Variants in POU3F3 observed in about 807,000 individuals in gnomAD.
POU3F3 encodes POU domain, class 3, transcription factor 3.
Under a neutral mutation model 8.6 loss-of-function variants are expected in POU3F3, and 1 was observed. The ratio of observed to expected loss-of-function variants is 0.12; its 90% confidence interval spans 0.04 to 0.55. The LOEUF is 0.55. Among genes scored for constraint, POU3F3 ranks in the 20% least tolerant of loss-of-function variants. The pLI is 0.91. For synonymous variants in POU3F3, 418 were observed against 327.4 expected, an observed-to-expected ratio of 1.28 and a Z score of -2.99; for missense variants, 577 against 690.7, an observed-to-expected ratio of 0.84 and a Z score of 1.84.
At chr2:104,894,536 C>T in the POU3F3 span, among the ~76,000 whole-genome samples, 9 of 152,176 alleles carry the variant, frequency 5.9e-5, no homozygotes, top group African/African-American at 1.4e-4. Flanking sequence ...TGCACGAGTG[C>T]TGGGTCTGCA....
the POU3F3 span, among the ~76,000 whole-genome samples, chr2:104,896,727 G>A: frequency 2.0e-4 from 30 of 152,240 alleles, no homozygotes; most frequent in East Asian, 1.7e-3. Flanking sequence ...TTCTCTCGTC[G>A]AACCTTGGTG....
the POU3F3 span, among the ~76,000 whole-genome samples, chr2:104,886,472 ATTCTGTGATGT>A: frequency 6.6e-6 from 1 of 152,158 alleles, no homozygotes. Flanking sequence ...GTGTAAGTCC[ATTCTGTGATGT>A]TTGCACAACA....
the POU3F3 span, among the ~76,000 whole-genome samples, chr2:104,908,582 A>G: frequency 1.3e-5 from 2 of 152,232 alleles, no homozygotes; most frequent in African/African-American, 4.8e-5. Flanking sequence ...CTGTGACCTC[A>G]TGATCCTCTA....
chr2:104,883,235 T>A, the POU3F3 span, among the ~76,000 whole-genome samples: 12 of 152,348 alleles, frequency 7.9e-5, no homozygotes, highest in South Asian at 1.2e-3. Flanking sequence ...GGCAGAGCCA[T>A]CCTGGTGGGT....
the POU3F3 span, among the ~76,000 whole-genome samples, chr2:104,925,251 G>C: frequency 1.3e-5 from 2 of 152,186 alleles, no homozygotes; most frequent in African/African-American, 4.8e-5. Context: ...CCTGGGAAAG[G>C]TAGCCCTTTA....
At position 104,857,670 on chromosome 2, in the gene POU3F3, G is replaced by A. The variant is rs1676599789; in HGVS notation, c.*657G>A. ...AGGTTCCATCAGGGGACGACACCGT[G>A]CTCTGGGACCCTGTTTTTCTTGGCC... On this transcript the variant is annotated 3_prime_UTR_variant, in exon 1 of 1. Coordinates refer to ENST00000361360, the MANE Select transcript of POU3F3 (RefSeq NM_006236.3). The A allele has an allele frequency of 6.5e-6, 1 of 153,552 alleles. No individual in the cohort carries two copies. Among genetic ancestry groups the A allele is most frequent in the African/African-American group, 2.4e-5 (1 of 41,416 alleles). The allele number at this position is 153,552 out of a possible 1,614,324, so 9.5% of individuals were successfully genotyped here.
chr2:104,875,630 T>A, the POU3F3 span, among the ~76,000 whole-genome samples: 3,305 of 152,320 alleles, frequency 0.022, 135 homozygotes, highest in African/African-American at 0.077. Flanking sequence ...CTTGGCAAAT[T>A]AGCTACAAGT....
At chr2:104,893,503 G>A in the POU3F3 span, among the ~76,000 whole-genome samples, 118 of 152,338 alleles carry the variant, frequency 7.7e-4, no homozygotes, top group African/African-American at 2.7e-3. Flanking sequence ...GAAAAGAAAC[G>A]TCTTGGACCA....
At chr2:104,905,113 C>A in the POU3F3 span, among the ~76,000 whole-genome samples, 1 of 152,174 alleles carries the variant, frequency 6.6e-6, no homozygotes, top group South Asian at 2.1e-4. Flanking sequence ...ACCTGGAACT[C>A]CTAGCTGGCT....
downstream of POU3F3, among the ~76,000 whole-genome samples, chr2:104,860,567 A>C (rs1676643195): frequency 6.6e-6 from 1 of 151,818 alleles, no homozygotes; most frequent in Non-Finnish European, 1.5e-5. Flanking sequence ...AAGGAAAGTG[A>C]CAAAGTTCTG....
the POU3F3 span, among the ~76,000 whole-genome samples, chr2:104,886,388 AC>A: frequency 6.6e-6 from 1 of 152,228 alleles, no homozygotes; most frequent in Non-Finnish European, 1.5e-5. Flanking sequence ...GACATGTTGT[AC>A]AGGTCTGCAG....
chr2:104,888,030 G>A, the POU3F3 span, among the ~76,000 whole-genome samples: 1 of 152,140 alleles, frequency 6.6e-6, no homozygotes, highest in Non-Finnish European at 1.5e-5. Context: ...AAGAGTGATG[G>A]GTGGGTACCA....
chr2:104,869,220 T>A, the POU3F3 span, among the ~76,000 whole-genome samples: 1 of 152,240 alleles, frequency 6.6e-6, no homozygotes, highest in African/African-American at 2.4e-5. Flanking sequence ...AGCTGTAATA[T>A]TTCTTTTAAA....
At chr2:104,881,114 A>ATTTC in the POU3F3 span, among the ~76,000 whole-genome samples, 10 of 100,938 alleles carry the variant, frequency 9.9e-5, no homozygotes, top group East Asian at 3.4e-4. Context: ...TTCTTTCTTT[A>ATTTC]TTTCTTACTT....
the POU3F3 span, chr2:104,868,535 G>T: frequency 2.7e-6 from 1 of 368,304 alleles, no homozygotes; most frequent in African/African-American, 2.1e-5. Context: ...TCACCCACCG[G>T]CCAAGCCTCC....
the POU3F3 span, among the ~76,000 whole-genome samples, chr2:104,922,215 A>G: frequency 6.6e-6 from 1 of 152,174 alleles, no homozygotes; most frequent in African/African-American, 2.4e-5. Context: ...GAGTTACTAC[A>G]TTATTAGATT....
At chr2:104,918,703 C>A in the POU3F3 span, among the ~76,000 whole-genome samples, 1 of 76,450 alleles carries the variant, frequency 1.3e-5, no homozygotes, top group African/African-American at 5.5e-5. Context: ...CCTGCCAACA[C>A]CTGGATCTCA....
chr2:104,886,679 A>G, the POU3F3 span, among the ~76,000 whole-genome samples: 2 of 152,154 alleles, frequency 1.3e-5, no homozygotes, highest in African/African-American at 4.8e-5. Flanking sequence ...AGGCTGAGGT[A>G]GGTGGATCAC....
the POU3F3 span, among the ~76,000 whole-genome samples, chr2:104,904,948 G>A: frequency 4.6e-5 from 7 of 152,204 alleles, no homozygotes; most frequent in South Asian, 2.1e-4. Context: ...GTGAGCTCAC[G>A]AAACATGTAG....
Sources: gnomAD v4.1 joint callset for allele counts (sites outside exome capture counted in the v4.1 genomes callset) on GRCh38, gnomAD v4.1.1 for gene constraint, MANE v1.5 for transcripts, NCBI Gene and HGNC (gene_info 2026-07-23, HGNC 2026-07-21) for gene names.